The following ANO1 variants were observed in gnomAD, a reference collection of about 807,000 sequenced individuals.
ANO1 encodes anoctamin-1.
A neutral mutation model predicts 124.0 loss-of-function variants in ANO1; 59 were observed. The ratio of observed to expected loss-of-function variants is 0.48; its 90% CI spans 0.39 to 0.59. The LOEUF is 0.59. Among genes scored for constraint, ANO1 ranks in the 20% least tolerant of loss-of-function variants. ANO1 has a pLI of 0.00. For synonymous variants in ANO1, 529 were observed against 532.0 expected, an observed-to-expected ratio of 0.99 and a Z score of 0.08; for missense variants, 1,059 against 1,328.0, an observed-to-expected ratio of 0.80 and a Z score of 3.15.
chr11:70,185,465 G>A, intron 24 of ANO1, 125 bp from the exon 25 acceptor site: 1 of 785,194 alleles, frequency 1.3e-6, no homozygotes, highest in Admixed American at 2.5e-5. Flanking sequence ...AGAGAGGGCT[G>A]CCCTCCCGGA....
At chr11:70,053,149 T>C (rs1328131196) in intron 1 of ANO1, among the ~76,000 whole-genome samples, 1 of 152,208 alleles carries the variant, frequency 6.6e-6, no homozygotes, top group Non-Finnish European at 1.5e-5. Flanking sequence ...CAATAGTTCA[T>C]CTGGTTTGCC....
At chr11:69,987,838 A>G (rs1191585387) in intron 1 of ANO1, among the ~76,000 whole-genome samples, 1 of 152,100 alleles carries the variant, frequency 6.6e-6, no homozygotes, top group Non-Finnish European at 1.5e-5. Context: ...AGATGTGAGG[A>G]CCTGGAGTGT....
the ANO1 span, among the ~76,000 whole-genome samples, chr11:69,968,929 G>T: frequency 0.014 from 2,094 of 152,324 alleles, 171 homozygotes; most frequent in East Asian, 0.22. Flanking sequence ...TTGTTGCACT[G>T]TTGGAAGCTG....
At chr11:70,059,348 CAA>C (rs1192273449) in intron 1 of ANO1, among the ~76,000 whole-genome samples, 4 of 75,108 alleles carry the variant, frequency 5.3e-5, no homozygotes, top group South Asian at 6.1e-4. Flanking sequence ...GAGACACTGT[CAA>C]AAAAAAAAAA....
Position 70,149,800 on chromosome 11 carries a change from G to C in ANO1, c.1341+8G>C. The C allele has an allele frequency of 6.2e-7, 1 of 1,613,110 alleles. No individual in the cohort carries two copies. The highest frequency in any genetic ancestry group is 8.5e-7 in the Non-Finnish European group (1 of 1,179,592). On this transcript the variant is annotated splice_region_variant and intron_variant, in intron 12 of 25. Transcript: ENST00000355303. Reference sequence around the variant, plus strand: ...GGCTTTGAAGAGGAAGAGGTCAGTGGGTTTGCCGCCGTGCATATCACGCCC... The same window carrying C: ...GGCTTTGAAGAGGAAGAGGTCAGTGCGTTTGCCGCCGTGCATATCACGCCC...
chr11:69,986,664 TAGAG>T (rs139278814), intron 1 of ANO1, among the ~76,000 whole-genome samples: 10,143 of 152,084 alleles, frequency 0.067, 550 homozygotes, highest in African/African-American at 0.15. Flanking sequence ...GAGAGGAACT[TAGAG>T]AGCCGGAGAC....
chr11:70,085,569 C>T lies in ANO1; in HGVS notation c.109-2183C>T, dbSNP rs1335209068. The stretch of plus-strand genomic sequence containing the variant: ...TGAGCAATGCTGTTTCCAGGAGAGG[C>T]ATCCTAGGGCCAGAGAGGCCAAGGT... On this transcript the variant is annotated intron_variant, in intron 1 of 25. Coordinates refer to ENST00000355303, the MANE Select transcript of ANO1 (RefSeq NM_018043.7). The T allele has an allele frequency of 2.0e-6, 3 of 1,535,992 alleles. No individual in the cohort carries two copies. The East Asian group carries it at 7.3e-5, about 38-fold the overall frequency.
intron 14 of ANO1, among the ~76,000 whole-genome samples, chr11:70,154,864 GTC>G (rs2047745653): frequency 6.6e-6 from 1 of 152,226 alleles, no homozygotes; most frequent in Non-Finnish European, 1.5e-5. Context: ...TAAAGAGACT[GTC>G]TGTCTGACTT....
intron 10 of ANO1, among the ~76,000 whole-genome samples, chr11:70,129,933 T>A (rs1318452842): frequency 6.6e-6 from 1 of 152,194 alleles, no homozygotes; most frequent in Non-Finnish European, 1.5e-5. Context: ...ACACCACTTT[T>A]TAATAAATGT....
At chr11:69,991,202 A>T (rs1030503600) in intron 1 of ANO1, among the ~76,000 whole-genome samples, 1 of 152,192 alleles carries the variant, frequency 6.6e-6, no homozygotes, top group Non-Finnish European at 1.5e-5. Context: ...TTTCAGCACA[A>T]TTTGTTGAAA....
intron 1 of ANO1, among the ~76,000 whole-genome samples, chr11:70,009,302 T>C (rs531273466): frequency 6.6e-6 from 1 of 152,182 alleles, no homozygotes; most frequent in African/African-American, 2.4e-5. Flanking sequence ...CATCTCTTTC[T>C]CGGGGAGGGA....
At chr11:70,056,206 G>A (rs1435436562) in intron 1 of ANO1, 2 of 151,880 alleles carry the variant, frequency 1.3e-5, no homozygotes, top group Non-Finnish European at 2.9e-5. Flanking sequence ...CAGGTCTGCT[G>A]GAAATGAATT....
At chr11:70,132,713 A>C (rs1170945885) in intron 11 of ANO1, among the ~76,000 whole-genome samples, 2 of 152,168 alleles carry the variant, frequency 1.3e-5, no homozygotes, top group Non-Finnish European at 2.9e-5. Context: ...GAGGTTGGTA[A>C]GTGGTGGCTG....
chr11:70,167,648 C>T (rs929468236), intron 21 of ANO1, among the ~76,000 whole-genome samples: 6 of 151,884 alleles, frequency 4.0e-5, no homozygotes, highest in Non-Finnish European at 7.4e-5. Flanking sequence ...TCCCTAGGCA[C>T]GGTCCCCAAG....
chr11:70,182,652 C>T lies in ANO1; in HGVS notation c.2554C>T (p.Pro852Ser), dbSNP rs774646931. Residue 852 changes from proline to serine, a missense_variant, in exon 24 of 26, where the codon CCC (proline) becomes TCC (serine). Transcript: ENST00000355303. Reference protein sequence around the residue: ...DFQNGTAPNDPLDLGYEVQIC... With the variant: ...DFQNGTAPNDSLDLGYEVQIC... ...CCAGAACGGCACGGCCCCCAATGAC[C>T]CCCTGGACCTGGGCTACGAGGTGCA... 6 of 1,609,382 alleles carry T rather than the reference C, an allele frequency of 3.7e-6. No homozygotes were observed. Among genetic ancestry groups the T allele is most frequent in the African/African-American group, 1.3e-5 (1 of 74,822 alleles).
At chr11:70,124,529 T>A in intron 9 of ANO1, 115 bp downstream of exon 9, 1 of 1,138,888 alleles carries the variant, frequency 8.8e-7, no homozygotes, top group Admixed American at 2.0e-5. Context: ...GTGTTTGAAC[T>A]CAAAGAGCTT....
chr11:70,006,881 G>T (rs1180749792), intron 1 of ANO1, among the ~76,000 whole-genome samples: 5 of 151,820 alleles, frequency 3.3e-5, no homozygotes, highest in African/African-American at 1.2e-4. Flanking sequence ...CGTTGGCCAG[G>T]CTGGTCTCGA....
At chr11:70,101,585 CAAAAA>C (rs71463659) in intron 2 of ANO1, among the ~76,000 whole-genome samples, 33 of 75,896 alleles carry the variant, frequency 4.3e-4, no homozygotes, top group African/African-American at 1.8e-3. Flanking sequence ...GATTAAAAAC[CAAAAA>C]AAAAAAAAAA....
At chr11:70,095,316 GA>G (rs767795401) in intron 2 of ANO1, among the ~76,000 whole-genome samples, 9,700 of 134,082 alleles carry the variant, frequency 0.072, 1,505 homozygotes, top group Non-Finnish European at 0.09. Context: ...AAGAAAGAAA[GA>G]AAGGAAAGAA....
Sources: allele counts gnomAD v4.1 joint callset (sites outside exome capture counted in the v4.1 genomes callset), GRCh38; gene constraint gnomAD v4.1.1; transcripts MANE v1.5; gene names NCBI Gene and HGNC (gene_info 2026-07-23, HGNC 2026-07-21).